AKAP13: variants seen among roughly 807,000 people sequenced by gnomAD.
AKAP13 encodes the protein A-kinase anchor protein 13.
In AKAP13, 80 loss-of-function variants were observed where a neutral mutation model predicts 264.5. That is an observed-to-expected ratio of 0.30 (90% CI 0.25 to 0.36). The LOEUF (loss-of-function observed/expected upper bound fraction) is 0.36, where lower values mean the gene tolerates loss of function less well. Ranked by LOEUF, AKAP13 falls within the 10% of genes least tolerant of loss-of-function variation. The probability of loss-of-function intolerance (pLI) is 1.00; values close to 1 mark genes in which losing one functional copy is unlikely to be tolerated. For missense variants in AKAP13, 3,712 were observed against 3,435.2 expected, an observed-to-expected ratio of 1.08 and a Z score of -2.01; for synonymous variants, 1,380 against 1,250.2, an observed-to-expected ratio of 1.10 and a Z score of -2.19.
At chr15:85,743,874 C>A (rs766626149) in intron 36 of AKAP13, 49 bp downstream of exon 36, 2 of 1,547,776 alleles carry the variant, frequency 1.3e-6, no homozygotes, top group Non-Finnish European at 1.7e-6. Context: ...TCTGTGCATT[C>A]TGAGAGAGGG....
Position 85,719,928 on chromosome 15 carries a change from T to A in AKAP13, c.6252+602T>A, listed in dbSNP as rs913844803. The stretch of plus-strand genomic sequence containing the variant: ...ATACTCTGTCTCAAAAAAAAAAAAA[T>A]TGAAAATTATTTAAATATTTGGGGC... On this transcript the variant is annotated intron_variant, in intron 23 of 36. Coordinates refer to ENST00000394518, the MANE Select transcript of AKAP13 (RefSeq NM_007200.5). Among the ~76,000 whole-genome samples the A allele has an allele frequency of 4.7e-5, 7 of 147,734 alleles. No homozygotes were observed. In the East Asian group the frequency reaches 8.1e-4, roughly 17 times the overall value.
rs545095369 is a variant in AKAP13, at chr15:85,647,852, C to T, written c.4374+1898C>T. ...CTGAGGCAGGAGAATGGCGTGAACC[C>T]GGGAGGCGGAGCTTGCAGTGAGCCG... On this transcript the variant is annotated intron_variant, in intron 10 of 36. Coordinates refer to ENST00000394518, the MANE Select transcript of AKAP13 (RefSeq NM_007200.5). Among the ~76,000 whole-genome samples, 29 of 151,988 alleles carry T rather than the reference C, an allele frequency of 1.9e-4. No homozygotes were observed. In the East Asian group the frequency reaches 5.4e-3, roughly 29 times the overall value.
At chr15:85,422,273 G>T (rs997305180) in intron 1 of AKAP13, among the ~76,000 whole-genome samples, 6 of 152,154 alleles carry the variant, frequency 3.9e-5, no homozygotes, top group Non-Finnish European at 4.4e-5. Flanking sequence ...AGAGCAGAGA[G>T]GAAGGCTACC....
chr15:85,484,089 G>A lies in AKAP13; in HGVS notation c.-11-1621G>A, dbSNP rs1342688979. On this transcript the variant is annotated intron_variant, in intron 1 of 36. Transcript: ENST00000394518. Reference sequence around the variant, plus strand: ...GGTAGATTGGTCCATAAATTTATAGGTTCTTTCATTCCCATGTCCTAGGCA... The same window carrying A: ...GGTAGATTGGTCCATAAATTTATAGATTCTTTCATTCCCATGTCCTAGGCA... Among the ~76,000 whole-genome samples the A allele has an allele frequency of 6.6e-5, 10 of 152,190 alleles. No individual in the cohort carries two copies. In the East Asian group the frequency reaches 1.9e-3, roughly 29 times the overall value.
chr15:85,415,329 A>G (rs948084614), intron 1 of AKAP13: 1 of 1,577,926 alleles, frequency 6.3e-7, no homozygotes, highest in Non-Finnish European at 8.7e-7. Flanking sequence ...TTTGCGAAAA[A>G]TGGACACAAT....
intron 6 of AKAP13, among the ~76,000 whole-genome samples, chr15:85,578,432 C>T (rs184402123): frequency 6.6e-4 from 100 of 152,280 alleles, no homozygotes; most frequent in African/African-American, 2.2e-3. Flanking sequence ...ACTGCAACCT[C>T]CGCCTCCCGG....
chr15:85,617,867 G>A (rs2081010261), intron 8 of AKAP13, among the ~76,000 whole-genome samples: 1 of 152,212 alleles, frequency 6.6e-6, no homozygotes, highest in Non-Finnish European at 1.5e-5. Flanking sequence ...AAGTTCCCAT[G>A]CTTTTGATAA....
intron 1 of AKAP13, among the ~76,000 whole-genome samples, chr15:85,431,485 G>T (rs1424173967): frequency 6.6e-6 from 1 of 152,180 alleles, no homozygotes; most frequent in Non-Finnish European, 1.5e-5. Flanking sequence ...ACTTAGCAGA[G>T]TGTCTTATAT....
Position 85,517,555 on chromosome 15 carries a change from G to A in AKAP13, c.34-3873G>A, listed in dbSNP as rs938080816. Among the ~76,000 whole-genome samples, 5 of 152,094 alleles carry A rather than the reference G, an allele frequency of 3.3e-5. No homozygotes were observed. In the South Asian group the frequency reaches 8.3e-4, roughly 25 times the overall value. On this transcript the variant is annotated intron_variant, in intron 2 of 36. Transcript: ENST00000394518. ...ATTTTTTTAAACTTAATATATAAAG[G>A]AAGTTACAGTGCCATTATTATAGTA...
At position 85,580,656 on chromosome 15, in the gene AKAP13, C is replaced by T. The variant is rs1291519523; in HGVS notation, c.2588C>T (p.Thr863Ile). 3 of 1,614,198 alleles carry T rather than the reference C, an allele frequency of 1.9e-6. No homozygotes were observed. Among genetic ancestry groups the T allele is most frequent in the African/African-American group, 1.3e-5 (1 of 75,060 alleles). ...GAGCTTCAGCACGGGATGGGGAATA[C>T]CAGTCTCACAGGACTTGGTGGAGAG... Reference protein sequence around the residue: ...AAELQHGMGNTSLTGLGGEHE... With the variant: ...AAELQHGMGNISLTGLGGEHE... The change falls in exon 7 of 37, where the codon ACC (threonine) becomes ATC (isoleucine). Residue 863 changes from threonine (T) to isoleucine (I), a missense_variant. Transcript: ENST00000394518.
intron 1 of AKAP13, among the ~76,000 whole-genome samples, chr15:85,395,039 T>C (rs1034072048): frequency 6.6e-6 from 1 of 152,222 alleles, no homozygotes; most frequent in Non-Finnish European, 1.5e-5. Context: ...TGTGTCTGGG[T>C]AATTTCCTAA....
intron 5 of AKAP13, among the ~76,000 whole-genome samples, chr15:85,546,624 T>G (rs1261391364): frequency 6.6e-6 from 1 of 152,208 alleles, no homozygotes; most frequent in African/African-American, 2.4e-5. Flanking sequence ...CTGTATCTCT[T>G]GAAATTATAA....
intron 8 of AKAP13, among the ~76,000 whole-genome samples, chr15:85,626,460 A>T (rs1189236073): frequency 1.1e-5 from 1 of 92,488 alleles, no homozygotes; most frequent in African/African-American, 3.9e-5. Flanking sequence ...TGTCTCTATG[A>T]ATTTGACTGC....
At chr15:85,434,251 C>A (rs1243553308) in intron 1 of AKAP13, among the ~76,000 whole-genome samples, 1 of 152,148 alleles carries the variant, frequency 6.6e-6, no homozygotes, top group Non-Finnish European at 1.5e-5. Context: ...CCGAATATTG[C>A]GCTTTTCAGA....
chr15:85,693,267 T>C lies in AKAP13; in HGVS notation c.5290-10T>C. 1 of 1,588,908 alleles carries C rather than the reference T, an allele frequency of 6.3e-7. No homozygotes were observed. Among genetic ancestry groups the C allele is most frequent in the South Asian group, 1.2e-5 (1 of 86,002 alleles). The stretch of plus-strand genomic sequence containing the variant: ...CAATTAACTGTGGATTATTTTCTTT[T>C]CTTCGGCAGGAAAAGGAAAAAGAAA... On this transcript the variant is annotated splice_polypyrimidine_tract_variant and intron_variant, in intron 16 of 36. Coordinates refer to ENST00000394518, the MANE Select transcript of AKAP13 (RefSeq NM_007200.5).
intron 1 of AKAP13, among the ~76,000 whole-genome samples, chr15:85,402,731 T>G (rs1367201394): frequency 6.6e-6 from 1 of 152,184 alleles, no homozygotes; most frequent in African/African-American, 2.4e-5. Context: ...CCTGGGGTGG[T>G]CTTGTGAAGT....
At chr15:85,415,225 TCA>T in intron 1 of AKAP13, 1 of 1,549,860 alleles carries the variant, frequency 6.5e-7, no homozygotes, top group Non-Finnish European at 8.8e-7. Context: ...CCCGCACCCC[TCA>T]TGGCCACAGT....
intron 5 of AKAP13, among the ~76,000 whole-genome samples, chr15:85,546,809 T>C (rs1403804673): frequency 6.6e-6 from 1 of 151,734 alleles, no homozygotes; most frequent in Non-Finnish European, 1.5e-5. Flanking sequence ...AGTGGCACGA[T>C]CTTGTCTCAC....
chr15:85,425,359 G>A (rs2072726149), intron 1 of AKAP13, among the ~76,000 whole-genome samples: 1 of 151,976 alleles, frequency 6.6e-6, no homozygotes, highest in African/African-American at 2.4e-5. Context: ...AAAGCCTTTT[G>A]GTTCTTGGAA....
Sources: allele counts gnomAD v4.1 joint callset (sites outside exome capture counted in the v4.1 genomes callset), GRCh38; gene constraint gnomAD v4.1.1; transcripts MANE v1.5; gene names NCBI Gene and HGNC (gene_info 2026-07-23, HGNC 2026-07-21).